The following TAFA1 variants were observed in gnomAD, a reference collection of about 807,000 sequenced individuals.
TAFA1 encodes TAFA chemokine like family member 1.
Under a neutral mutation model 18.5 loss-of-function variants are expected in TAFA1, and 4 were observed. The ratio of observed to expected loss-of-function variants is 0.22; its 90% CI spans 0.11 to 0.49. The LOEUF (loss-of-function observed/expected upper bound fraction) is 0.49. Among genes scored for constraint, TAFA1 ranks in the 20% least tolerant of loss-of-function variants. TAFA1 has a pLI of 0.98. For missense variants in TAFA1, 147 were observed against 169.0 expected (o/e 0.87, Z 0.72); for synonymous variants, 56 against 55.2 (o/e 1.01, Z -0.06).
intron 2 of TAFA1, among the ~76,000 whole-genome samples, chr3:68,127,721 TGGTGGTGGTGGCGGTG>T (rs1431583990): frequency 3.0e-4 from 24 of 80,822 alleles, no homozygotes; most frequent in African/African-American, 1.1e-3. Flanking sequence ...CTGATGGCAG[TGGTGGTGGTGGCGGTG>T]GTGATGATGG....
intron 2 of TAFA1, among the ~76,000 whole-genome samples, chr3:68,325,181 C>G (rs551636233): frequency 1.3e-5 from 2 of 152,286 alleles, no homozygotes; most frequent in African/African-American, 4.8e-5. Context: ...TTGTCCCTTA[C>G]TAGTTGTGTG....
chr3:68,095,835 A>G (rs1249106433), intron 2 of TAFA1, among the ~76,000 whole-genome samples: 2 of 152,032 alleles, frequency 1.3e-5, no homozygotes, highest in Non-Finnish European at 2.9e-5. Flanking sequence ...TTGATACATA[A>G]TATTTGTGTA....
intron 2 of TAFA1, among the ~76,000 whole-genome samples, chr3:68,321,498 G>T (rs1034804453): frequency 6.6e-6 from 1 of 152,148 alleles, no homozygotes. Flanking sequence ...AAGTACTCAA[G>T]ACCTTTCTTT....
chr3:68,508,254 A>C (rs908837388), intron 3 of TAFA1, among the ~76,000 whole-genome samples: 1 of 151,298 alleles, frequency 6.6e-6, no homozygotes, highest in Non-Finnish European at 1.5e-5. Context: ...TTTAACCTTA[A>C]TTACTTGCTT....
In TAFA1 at chr3:68,302,131, A is replaced by G. The variant is rs1246806008; in HGVS notation, c.119-115149A>G. ...GTGTTTTCTTTTGCCCTAATTTAGG[A>G]AGAGAGAAATATTTGTAGTTGGAAT... On this transcript the variant is annotated intron_variant, in intron 2 of 4. Coordinates refer to ENST00000478136, the MANE Select transcript of TAFA1 (RefSeq NM_213609.4). 4.6e-5 allele frequency among the ~76,000 whole-genome samples: 7 copies of G among 152,296 alleles called. No individual in the cohort carries two copies. In the South Asian group the frequency reaches 8.3e-4, roughly 18 times the overall value.
At chr3:68,045,321 G>A (rs943380344) in intron 2 of TAFA1, among the ~76,000 whole-genome samples, 1 of 152,130 alleles carries the variant, frequency 6.6e-6, no homozygotes, top group South Asian at 2.1e-4. Context: ...TCATATGTGC[G>A]AGTCCAATGT....
intron 3 of TAFA1, among the ~76,000 whole-genome samples, chr3:68,493,110 T>C (rs866737506): frequency 5.9e-5 from 9 of 152,158 alleles, no homozygotes; most frequent in Non-Finnish European, 1.3e-4. Context: ...CATCTTGCAA[T>C]AGTAAATATC....
chr3:68,140,203 C>A (rs1408990921), intron 2 of TAFA1, among the ~76,000 whole-genome samples: 4 of 152,196 alleles, frequency 2.6e-5, no homozygotes, highest in African/African-American at 9.7e-5. Flanking sequence ...GACAACAGCA[C>A]TTGAGGTTGG....
At chr3:68,399,009 G>A (rs955099946) in intron 2 of TAFA1, among the ~76,000 whole-genome samples, 4 of 152,130 alleles carry the variant, frequency 2.6e-5, no homozygotes, top group Admixed American at 2.6e-4. Context: ...CTTCTACATT[G>A]ATCAAATGAC....
At chr3:68,468,369 C>T (rs1351533037) in intron 3 of TAFA1, among the ~76,000 whole-genome samples, 2 of 152,092 alleles carry the variant, frequency 1.3e-5, no homozygotes, top group South Asian at 2.1e-4. Context: ...TCTTTCAATC[C>T]TATGTGTGCC....
chr3:68,095,000 C>A (rs2065071221), intron 2 of TAFA1, among the ~76,000 whole-genome samples: 2 of 152,166 alleles, frequency 1.3e-5, no homozygotes, highest in Admixed American at 6.6e-5. Flanking sequence ...ACTCCTATGG[C>A]AGACTGTACA....
chr3:68,458,734 G>A (rs2071713515), intron 3 of TAFA1, among the ~76,000 whole-genome samples: 1 of 151,860 alleles, frequency 6.6e-6, no homozygotes, highest in African/African-American at 2.4e-5. Flanking sequence ...TTGAACTGCT[G>A]GGGAAACAAT....
intron 3 of TAFA1, among the ~76,000 whole-genome samples, chr3:68,519,758 C>G (rs762416955): frequency 3.9e-5 from 6 of 152,074 alleles, no homozygotes; most frequent in Admixed American, 1.3e-4. Context: ...TCTGGGGGAC[C>G]CTTTTATGTG....
At chr3:68,421,104 G>A (rs193117621) in intron 3 of TAFA1, among the ~76,000 whole-genome samples, 2 of 152,218 alleles carry the variant, frequency 1.3e-5, no homozygotes, top group African/African-American at 4.8e-5. Context: ...AAAGTGCAAT[G>A]CATTGCTTAT....
chr3:68,003,579 A>G (rs545001562), upstream of TAFA1, among the ~76,000 whole-genome samples: 35 of 152,302 alleles, frequency 2.3e-4, no homozygotes, highest in African/African-American at 8.4e-4. Flanking sequence ...TGTATTCATC[A>G]TTGAAATTTA....
intron 3 of TAFA1, among the ~76,000 whole-genome samples, chr3:68,474,219 G>A (rs1352762207): frequency 6.6e-6 from 1 of 152,082 alleles, no homozygotes; most frequent in Non-Finnish European, 1.5e-5. Context: ...GTAAATCAAA[G>A]TTACTAAGAT....
At chr3:68,186,675 T>A (rs1325641541) in intron 2 of TAFA1, among the ~76,000 whole-genome samples, 1 of 152,064 alleles carries the variant, frequency 6.6e-6, no homozygotes, top group Non-Finnish European at 1.5e-5. Context: ...CTACTTACCG[T>A]CCTTTATCCA....
intron 2 of TAFA1, among the ~76,000 whole-genome samples, chr3:68,049,096 A>G (rs1177060864): frequency 6.6e-6 from 1 of 152,168 alleles, no homozygotes; most frequent in African/African-American, 2.4e-5. Flanking sequence ...TTTTTACTGC[A>G]CATTTCTAGG....
At chr3:68,020,637 A>G (rs1002356289) in intron 2 of TAFA1, among the ~76,000 whole-genome samples, 1 of 152,186 alleles carries the variant, frequency 6.6e-6, no homozygotes, top group Non-Finnish European at 1.5e-5. Flanking sequence ...TTATTATATG[A>G]AAAGATGCAC....
Sources: allele counts gnomAD v4.1 joint callset (sites outside exome capture counted in the v4.1 genomes callset), GRCh38; gene constraint gnomAD v4.1.1; transcripts MANE v1.5; gene names NCBI Gene and HGNC (gene_info 2026-07-23, HGNC 2026-07-21).